Variants in SLC35D4 observed in about 807,000 individuals in gnomAD.
SLC35D4 encodes the protein solute carrier family 35 member D4, also known as UDP-N-acetylglucosamine transporter SLC35D4.
the SLC35D4 span, among the ~76,000 whole-genome samples, chr18:23,279,900 T>C: frequency 6.6e-6 from 1 of 152,214 alleles, no homozygotes; most frequent in Non-Finnish European, 1.5e-5. Context: ...AGGATCTTAC[T>C]ATGTCTGTTG....
the SLC35D4 span, among the ~76,000 whole-genome samples, chr18:23,315,586 C>T: frequency 6.6e-6 from 1 of 152,202 alleles, no homozygotes; most frequent in Non-Finnish European, 1.5e-5. Context: ...GTAATATAAC[C>T]TTTAAGGTCA....
At chr18:23,388,603 T>C in the SLC35D4 span, among the ~76,000 whole-genome samples, 1 of 124,900 alleles carries the variant, frequency 8.0e-6, no homozygotes, top group Non-Finnish European at 1.7e-5. Context: ...ATGACTGGTG[T>C]GTTCCAAATC....
At chr18:23,432,872 T>A in the SLC35D4 span, among the ~76,000 whole-genome samples, 1 of 149,082 alleles carries the variant, frequency 6.7e-6, no homozygotes, top group Non-Finnish European at 1.5e-5. Flanking sequence ...CCCAGCTACT[T>A]GGGAGGCTGA....
the SLC35D4 span, among the ~76,000 whole-genome samples, chr18:23,326,663 G>C: frequency 6.6e-6 from 1 of 152,144 alleles, no homozygotes; most frequent in Non-Finnish European, 1.5e-5. Flanking sequence ...GGTTAACAAG[G>C]ATATCCAGGA....
chr18:23,409,879 C>T, the SLC35D4 span, among the ~76,000 whole-genome samples: 4 of 148,032 alleles, frequency 2.7e-5, no homozygotes, highest in African/African-American at 7.5e-5. Flanking sequence ...ATGGTTGTAT[C>T]TGTATTGAAC....
chr18:23,353,259 C>T, the SLC35D4 span, among the ~76,000 whole-genome samples: 1 of 152,102 alleles, frequency 6.6e-6, no homozygotes, highest in Non-Finnish European at 1.5e-5. Context: ...GAGAGGCAAG[C>T]CCTGTGAGTT....
At chr18:23,406,545 T>C in the SLC35D4 span, among the ~76,000 whole-genome samples, 1 of 152,210 alleles carries the variant, frequency 6.6e-6, no homozygotes, top group Non-Finnish European at 1.5e-5. Flanking sequence ...TGAGCATCAA[T>C]CAATCAATCA....
chr18:23,249,944 C>T, the SLC35D4 span, among the ~76,000 whole-genome samples: 9 of 152,222 alleles, frequency 5.9e-5, no homozygotes, highest in East Asian at 1.9e-4. Flanking sequence ...CCCCTGCCTG[C>T]GGCTCACTCA....
chr18:23,338,690 T>G, the SLC35D4 span, among the ~76,000 whole-genome samples: 1 of 152,142 alleles, frequency 6.6e-6, no homozygotes, highest in South Asian at 2.1e-4. Context: ...TTTGAAACAC[T>G]TAGGATCACA....
chr18:23,431,425 G>A, the SLC35D4 span, among the ~76,000 whole-genome samples: 1 of 152,108 alleles, frequency 6.6e-6, no homozygotes, highest in Non-Finnish European at 1.5e-5. Context: ...TTTTCTCAGG[G>A]TATCCACTTC....
At chr18:23,300,105 C>T in the SLC35D4 span, among the ~76,000 whole-genome samples, 14 of 152,332 alleles carry the variant, frequency 9.2e-5, no homozygotes, top group Admixed American at 9.1e-4. Flanking sequence ...TGGGAGCCTG[C>T]TTGTCCCTTG....
At chr18:23,365,636 G>A in the SLC35D4 span, 5 of 1,613,662 alleles carry the variant, frequency 3.1e-6, no homozygotes, top group South Asian at 5.5e-5. Context: ...GCATTTACCT[G>A]TGGGATGAGA....
At chr18:23,367,953 TA>T in the SLC35D4 span, among the ~76,000 whole-genome samples, 1 of 152,084 alleles carries the variant, frequency 6.6e-6, no homozygotes, top group Non-Finnish European at 1.5e-5. Flanking sequence ...TCTACTAATA[TA>T]AAAAGGGTGT....
chr18:23,384,300 A>C, the SLC35D4 span, among the ~76,000 whole-genome samples: 2 of 152,112 alleles, frequency 1.3e-5, no homozygotes, highest in Non-Finnish European at 2.9e-5. Context: ...CTAAAAATAA[A>C]AATAAATTAA....
At chr18:23,340,506 C>T in the SLC35D4 span, among the ~76,000 whole-genome samples, 1 of 152,154 alleles carries the variant, frequency 6.6e-6, no homozygotes, top group Non-Finnish European at 1.5e-5. Flanking sequence ...CCCAGCACTG[C>T]ACAGCCCAAG....
chr18:23,414,790 A>C, the SLC35D4 span, among the ~76,000 whole-genome samples: 1 of 152,052 alleles, frequency 6.6e-6, no homozygotes, highest in African/African-American at 2.4e-5. Flanking sequence ...ATCATGGACA[A>C]TATAGCAAGA....
chr18:23,425,054 T>C, the SLC35D4 span, among the ~76,000 whole-genome samples: 2 of 152,184 alleles, frequency 1.3e-5, no homozygotes, highest in Admixed American at 6.5e-5. Context: ...AACATCAAAA[T>C]TGACAAATAC....
the SLC35D4 span, among the ~76,000 whole-genome samples, chr18:23,436,025 CA>C: frequency 1.4e-5 from 2 of 143,000 alleles, no homozygotes; most frequent in African/African-American, 5.2e-5. Flanking sequence ...CTCACAACAA[CA>C]CTTTCTCTTT....
the SLC35D4 span, among the ~76,000 whole-genome samples, chr18:23,244,837 AGGTCAGAGAACAGT>A: frequency 9.8e-5 from 15 of 152,364 alleles, no homozygotes; most frequent in African/African-American, 3.6e-4. Context: ...GGCTGGCAGT[AGGTCAGAGAACAGT>A]GGCCGAGTGT....
Sources: allele counts gnomAD v4.1 joint callset (sites outside exome capture counted in the v4.1 genomes callset), GRCh38; gene constraint gnomAD v4.1.1; transcripts MANE v1.5; gene names NCBI Gene and HGNC (gene_info 2026-07-23, HGNC 2026-07-21).